Variants in SLCO1B1 observed in about 807,000 individuals in gnomAD.
The protein encoded by SLCO1B1 is OATP-2.
A neutral mutation model predicts 70.1 loss-of-function variants in SLCO1B1; 81 were observed. The ratio of observed to expected loss-of-function variants is 1.16; its 90% CI spans 0.97 to 1.39. The LOEUF is 1.39. Among genes scored for constraint, SLCO1B1 ranks in the 40% most tolerant of loss-of-function variants. The pLI is 0.00. For synonymous variants in SLCO1B1, 283 were observed against 271.5 expected, an observed-to-expected ratio of 1.04 and a Z score of -0.42; for missense variants, 895 against 799.6, an observed-to-expected ratio of 1.12 and a Z score of -1.44.
chr12:21,222,761 C>G (rs1941443522), intron 13 of SLCO1B1, among the ~76,000 whole-genome samples: 1 of 151,994 alleles, frequency 6.6e-6, no homozygotes, highest in African/African-American at 2.4e-5. Flanking sequence ...AAGGGCCTAA[C>G]TTCTAAACTG....
chr12:21,172,582 A>T (rs1265332810), intron 2 of SLCO1B1, 68 bp from the exon 3 acceptor site: 45 of 1,483,688 alleles, frequency 3.0e-5, no homozygotes, highest in Non-Finnish European at 3.8e-5. Context: ...TTATAATTCC[A>T]TGTGCCTATT....
At chr12:21,182,319 G>T (rs1220264021) in intron 7 of SLCO1B1, among the ~76,000 whole-genome samples, 2 of 152,116 alleles carry the variant, frequency 1.3e-5, no homozygotes, top group African/African-American at 4.8e-5. Flanking sequence ...AGGGGCATCT[G>T]CCCAGAGAGT....
At chr12:21,220,577 C>T (rs747155665) in intron 12 of SLCO1B1, among the ~76,000 whole-genome samples, 1 of 152,068 alleles carries the variant, frequency 6.6e-6, no homozygotes, top group Non-Finnish European at 1.5e-5. Context: ...AGTTCTCAAT[C>T]ACTCTAATTT....
intron 2 of SLCO1B1, among the ~76,000 whole-genome samples, chr12:21,156,127 G>A (rs1940539780): frequency 6.6e-6 from 1 of 152,062 alleles, no homozygotes. Context: ...TATTGTGACC[G>A]AGAGACAAAG....
intron 2 of SLCO1B1, among the ~76,000 whole-genome samples, chr12:21,167,539 A>T (rs1303173626): frequency 6.6e-6 from 1 of 152,194 alleles, no homozygotes; most frequent in Non-Finnish European, 1.5e-5. Context: ...CACTCACATT[A>T]CTTTTTTCTC....
chr12:21,239,162 T>A lies in SLCO1B1; in HGVS notation c.2049T>A (p.Ala683=), dbSNP rs1345565041. Residue 683 remains alanine (A), a synonymous_variant, in exon 15 of 15, where the codon GCT becomes GCA. Transcript: ENST00000256958. ...AAAATAAACATTTTGTCCCTTCTGC[T>A]GGGGCAGATAGTGAAACACATTGTT... ...LNKNKHFVPS[A]GADSETHC The A allele has an allele frequency of 1.2e-6, 2 of 1,613,018 alleles. No individual in the cohort carries two copies. The highest frequency in any genetic ancestry group is 1.7e-6 in the Non-Finnish European group (2 of 1,179,212).
rs549118596 is a variant in SLCO1B1, at chr12:21,197,271, T to C, written c.970+83T>C. 6.1e-6 allele frequency: 9 copies of C among 1,480,788 alleles called. No individual in the cohort carries two copies. The East Asian group carries it at 1.9e-4, about 31-fold the overall frequency. 91.7% of individuals were successfully genotyped at this position (1,480,788 alleles called of 1,614,324 possible). On this transcript the variant is annotated intron_variant, in intron 8 of 14. Coordinates refer to ENST00000256958, the MANE Select transcript of SLCO1B1 (RefSeq NM_006446.5). Reference sequence around the variant, plus strand: ...ATGAGTATTCCAAAATAATAAAGCATACCCAACTCATCTGGAGTTGGCTTT... The same window carrying C: ...ATGAGTATTCCAAAATAATAAAGCACACCCAACTCATCTGGAGTTGGCTTT...
intron 11 of SLCO1B1, among the ~76,000 whole-genome samples, chr12:21,214,691 A>G (rs1244461288): frequency 6.6e-6 from 1 of 151,476 alleles, no homozygotes; most frequent in African/African-American, 2.4e-5. Flanking sequence ...TTGATCTCAG[A>G]CTGCTGTGCT....
chr12:21,193,746 C>T (rs908066240), intron 7 of SLCO1B1, among the ~76,000 whole-genome samples: 1 of 152,054 alleles, frequency 6.6e-6, no homozygotes, highest in Non-Finnish European at 1.5e-5. Flanking sequence ...ATCCTTAATG[C>T]TTTACTGCTT....
chr12:21,230,175 C>T (rs115108635), intron 14 of SLCO1B1, among the ~76,000 whole-genome samples: 3,025 of 152,106 alleles, frequency 0.02, 98 homozygotes, highest in African/African-American at 0.069. Context: ...TGTAAGAATT[C>T]ATTTTGAATG....
intron 7 of SLCO1B1, among the ~76,000 whole-genome samples, chr12:21,180,364 C>A (rs745966592): frequency 1.3e-5 from 2 of 152,116 alleles, no homozygotes; most frequent in Non-Finnish European, 2.9e-5. Context: ...CTTAGAGAAG[C>A]CTTACTTCAC....
At position 21,134,754 on chromosome 12, in the gene SLCO1B1, A is replaced by C. The variant is rs1437359567; in HGVS notation, c.-62+3518A>C. On this transcript the variant is annotated intron_variant, in intron 1 of 14. Transcript: ENST00000256958. ...TCTTTATTAGTCTTGCTAGTGGTCT[A>C]TCAATTTTGTTGATGCTTTCAAAAA... Among the ~76,000 whole-genome samples, 14 of 152,242 alleles carry C rather than the reference A, an allele frequency of 9.2e-5. 1 individual carries two copies. The highest frequency in any genetic ancestry group is 3.3e-4 in the Admixed American group (5 of 15,278).
chr12:21,191,211 T>G (rs1941025587), intron 7 of SLCO1B1, among the ~76,000 whole-genome samples: 1 of 151,828 alleles, frequency 6.6e-6, no homozygotes, highest in African/African-American at 2.4e-5. Flanking sequence ...TATTGAATCT[T>G]TACATATATT....
chr12:21,205,874 T>C lies in SLCO1B1; in HGVS notation c.1338T>C (p.Asn446=), dbSNP rs1941209825. 2.5e-6 allele frequency: 4 copies of C among 1,604,670 alleles called. No individual in the cohort carries two copies. The highest frequency in any genetic ancestry group is 3.4e-6 in the Non-Finnish European group (4 of 1,172,380). The part of the protein sequence containing the change: ...AGLTMTYDGN[N]PVTSHRDVPL... ...GTCTATCATATATTTCCAGAAATAA[T>C]CCAGTGACATCTCATAGAGATGTAC... Residue 446 remains asparagine (N), a synonymous_variant, in exon 11 of 15, where the codon AAT becomes AAC. Coordinates refer to ENST00000256958, the MANE Select transcript of SLCO1B1 (RefSeq NM_006446.5).
intron 2 of SLCO1B1, among the ~76,000 whole-genome samples, chr12:21,167,292 A>C (rs1354223011): frequency 6.6e-6 from 1 of 152,226 alleles, no homozygotes; most frequent in African/African-American, 2.4e-5. Context: ...TGTGACAATG[A>C]AAATTTAGCT....
chr12:21,214,587 C>T (rs1302532732), intron 11 of SLCO1B1, among the ~76,000 whole-genome samples: 332 of 146,630 alleles, frequency 2.3e-3, no homozygotes, highest in African/African-American at 7.7e-3. Context: ...TGGTGGGCTC[C>T]GCCCACTTCG....
At chr12:21,189,590 G>A (rs1941005406) in intron 7 of SLCO1B1, among the ~76,000 whole-genome samples, 1 of 151,970 alleles carries the variant, frequency 6.6e-6, no homozygotes, top group Non-Finnish European at 1.5e-5. Context: ...TGGGATTACA[G>A]GTGCCTCCAC....
chr12:21,165,621 G>A (rs996841075), intron 2 of SLCO1B1, among the ~76,000 whole-genome samples: 9 of 152,148 alleles, frequency 5.9e-5, no homozygotes, highest in African/African-American at 1.9e-4. Flanking sequence ...AAAATCCAAT[G>A]TGATAGTATT....
At chr12:21,200,406 T>C (rs1208631812) in intron 8 of SLCO1B1, 102 bp from the exon 9 acceptor site, 1 of 683,630 alleles carries the variant, frequency 1.5e-6, no homozygotes, top group Non-Finnish European at 2.4e-6. Flanking sequence ...GTTATGTGTT[T>C]ATAGAATTTT....
Sources: gnomAD v4.1 joint callset for allele counts (sites outside exome capture counted in the v4.1 genomes callset) on GRCh38, gnomAD v4.1.1 for gene constraint, MANE v1.5 for transcripts, NCBI Gene and HGNC (gene_info 2026-07-23, HGNC 2026-07-21) for gene names.